RP1: variants seen among roughly 807,000 people sequenced by gnomAD.
RP1 encodes the protein oxygen-regulated protein 1.
A neutral mutation model predicts 14.8 loss-of-function variants in RP1; 16 were observed. The ratio of observed to expected loss-of-function variants is 1.08; its 90% CI spans 0.73 to 1.65. The LOEUF (loss-of-function observed/expected upper bound fraction) is 1.65. Among genes scored for constraint, RP1 ranks in the 40% most tolerant of loss-of-function variants. The pLI is 0.00. For missense variants in RP1, 2,631 were observed against 2,535.0 expected (o/e 1.04, Z -0.81); for synonymous variants, 876 against 883.6 (o/e 0.99, Z 0.15).
chr8:54,786,614 G>A (rs1299869157), intron 24 of RP1, among the ~76,000 whole-genome samples: 2 of 151,956 alleles, frequency 1.3e-5, no homozygotes, highest in East Asian at 3.9e-4. Flanking sequence ...TCCTCAATTT[G>A]TTATAATCCT....
rs945145260 is a variant in RP1 at position 54,852,678 on chromosome 8, C to T, written c.3940C>T (p.Arg1314Ter). The change falls in exon 26 of 29, where the codon CGA becomes TGA. Residue 1314 changes from arginine to a stop codon, truncating the protein, a stop_gained. Transcript: ENST00000637698. LOFTEE classifies it high-confidence loss of function. Reference sequence around the variant, plus strand: ...CGGTACCAGAGGTGATTCAGGAAAACGAAGACTTCATCAGTCCAAAAACAA... The same window carrying T: ...CGGTACCAGAGGTGATTCAGGAAAATGAAGACTTCATCAGTCCAAAAACAA... 1.7e-4 allele frequency: 215 copies of T among 1,231,806 alleles called. No individual in the cohort carries two copies. The highest frequency in any genetic ancestry group is 9.5e-4 in the East Asian group (30 of 31,698). The allele number at this position is 1,231,806 out of a possible 1,614,324, so 76.3% of individuals were successfully genotyped here.
At chr8:54,576,705 G>A (rs1056937247) in intron 1 of RP1, among the ~76,000 whole-genome samples, 24 of 152,182 alleles carry the variant, frequency 1.6e-4, no homozygotes, top group Non-Finnish European at 2.8e-4. Flanking sequence ...TAGAAGTCTG[G>A]AAGTGAAAAC....
At chr8:54,568,076 C>T (rs1804444488) in intron 1 of RP1, among the ~76,000 whole-genome samples, 2 of 152,180 alleles carry the variant, frequency 1.3e-5, no homozygotes, top group African/African-American at 4.8e-5. Context: ...TTCCCATGGT[C>T]ACCTTATGGT....
intron 24 of RP1, among the ~76,000 whole-genome samples, chr8:54,805,926 A>T (rs1311924728): frequency 6.6e-6 from 1 of 152,190 alleles, no homozygotes; most frequent in Non-Finnish European, 1.5e-5. Context: ...CCTCTGAGTG[A>T]GTCCACCTTC....
At position 54,652,854 on chromosome 8, in the gene RP1, G is replaced by A. The variant is rs1311072974; in HGVS notation, c.1026G>A (p.Trp342Ter). The stretch of plus-strand genomic sequence containing the variant: ...CCAACTCTGGATCCTCCCCTTCCTG[G>A]CACTGCAAGGAGGTAAGGATATATC... The change falls in exon 5 of 23, where the codon TGG becomes TGA. Residue 342 changes from tryptophan to a stop codon, truncating the protein, a stop_gained. Transcript: ENST00000636932. LOFTEE classifies it high-confidence loss of function. The A allele has an allele frequency of 2.6e-6, 4 of 1,534,996 alleles. No individual in the cohort carries two copies. Among genetic ancestry groups the A allele is most frequent in the Non-Finnish European group, 3.5e-6 (4 of 1,146,034 alleles).
Position 54,622,306 on chromosome 8 carries a change from A to G in RP1, c.787+18A>G, listed in dbSNP as rs1341363929. On this transcript the variant is annotated intron_variant, in intron 3 of 3. Transcript: ENST00000220676. Reference sequence around the variant, plus strand: ...CAGAAAGAGTAAGTCACTTATTAATATATAGCCCATATTTTTAGCCCTGAG... The same window carrying G: ...CAGAAAGAGTAAGTCACTTATTAATGTATAGCCCATATTTTTAGCCCTGAG... 2 of 1,612,488 alleles carry G rather than the reference A, an allele frequency of 1.2e-6. No individual in the cohort carries two copies. The highest frequency in any genetic ancestry group is 1.7e-5 in the Admixed American group (1 of 60,004).
At chr8:54,817,177 A>G (rs982024951) in intron 24 of RP1, among the ~76,000 whole-genome samples, 1 of 152,078 alleles carries the variant, frequency 6.6e-6, no homozygotes, top group African/African-American at 2.4e-5. Flanking sequence ...TAGGTGCCCT[A>G]TTTTATTCAT....
At chr8:54,609,986 A>G (rs2129309451) in intron 1 of RP1, among the ~76,000 whole-genome samples, 1 of 152,316 alleles carries the variant, frequency 6.6e-6, no homozygotes, top group East Asian at 1.9e-4. Flanking sequence ...ATATGGAAAA[A>G]CAAACTAACA....
rs550922019 is a variant in RP1, at chr8:54,797,354, ACAAT to A, written c.3615+13647_3615+13650del. On this transcript the variant is annotated intron_variant, in intron 24 of 28. Coordinates refer to the RP1 transcript ENST00000637698. Reference sequence around the variant, plus strand: ...ATAGACGTTAAGGTAGAAATAAAGTACAATCAGTTTGGCTGTAATAGTTTTGGAA... The same window carrying A: ...ATAGACGTTAAGGTAGAAATAAAGTACAGTTTGGCTGTAATAGTTTTGGAA... Among the ~76,000 whole-genome samples the A allele has an allele frequency of 1.5e-4, 23 of 152,334 alleles. No homozygotes were observed. The East Asian group carries it at 4.2e-3, about 28-fold the overall frequency.
chr8:54,821,487 A>G (rs1050883097), intron 24 of RP1, among the ~76,000 whole-genome samples: 2 of 152,188 alleles, frequency 1.3e-5, no homozygotes, highest in Non-Finnish European at 2.9e-5. Context: ...TTGATTCCAC[A>G]TTCTGCCTTA....
At chr8:54,586,525 G>T (rs896923886) in intron 1 of RP1, among the ~76,000 whole-genome samples, 3 of 152,364 alleles carry the variant, frequency 2.0e-5, no homozygotes, top group South Asian at 4.1e-4. Flanking sequence ...CTTCAAAGCT[G>T]TCAGACAGGG....
At chr8:54,813,798 G>A (rs1417999856) in intron 24 of RP1, among the ~76,000 whole-genome samples, 1 of 152,170 alleles carries the variant, frequency 6.6e-6, no homozygotes, top group Non-Finnish European at 1.5e-5. Context: ...AATTATGTTT[G>A]CTGTTTCTAT....
intron 6 of RP1, among the ~76,000 whole-genome samples, chr8:54,657,451 C>T (rs538839638): frequency 2.0e-5 from 3 of 152,160 alleles, no homozygotes; most frequent in Non-Finnish European, 2.9e-5. Context: ...TCTAACCATA[C>T]CCTATCATAT....
At chr8:54,838,713 G>A (rs1811724899) in intron 25 of RP1, among the ~76,000 whole-genome samples, 1 of 151,550 alleles carries the variant, frequency 6.6e-6, no homozygotes, top group Non-Finnish European at 1.5e-5. Context: ...GTGTATGAGT[G>A]TGTGTGTGTG....
chr8:54,583,101 G>A (rs571931364), intron 1 of RP1, among the ~76,000 whole-genome samples: 1 of 152,270 alleles, frequency 6.6e-6, no homozygotes, highest in Admixed American at 6.5e-5. Flanking sequence ...AATGCTTCCA[G>A]TTTTTGCCCA....
At chr8:54,813,562 A>G (rs1811064746) in intron 24 of RP1, among the ~76,000 whole-genome samples, 1 of 152,228 alleles carries the variant, frequency 6.6e-6, no homozygotes, top group Admixed American at 6.5e-5. Flanking sequence ...TTTAAAATTA[A>G]TTAGTTTTAA....
Position 54,621,332 on chromosome 8 carries a change from G to A in RP1, c.366G>A (p.Arg122=). 1 of 1,611,906 alleles carries A rather than the reference G, an allele frequency of 6.2e-7. No homozygotes were observed. Among genetic ancestry groups the A allele is most frequent in the Non-Finnish European group, 8.5e-7 (1 of 1,178,996 alleles). Residue 122 remains arginine, a synonymous_variant, in exon 2 of 4, where the codon CGG becomes CGA. Coordinates refer to ENST00000220676, the MANE Select transcript of RP1 (RefSeq NM_006269.2). ...VQPVDLDKAR[R]RPRPWLSSRA... is the part of the protein sequence containing the mutation. ...CTGTAGACCTGGACAAAGCCCGTCG[G>A]CGCCCGCGGCCCTGGCTCAGCAGCC... is the stretch of plus-strand genomic sequence containing the variant.
chr8:54,701,730 A>C, intron 14 of RP1: 1 of 1,412,684 alleles, frequency 7.1e-7, no homozygotes, highest in East Asian at 2.5e-5. Flanking sequence ...TATTGAGCAA[A>C]AGTCTTAAAT....
chr8:54,660,269 G>A (rs928407658), intron 6 of RP1, among the ~76,000 whole-genome samples: 39 of 152,134 alleles, frequency 2.6e-4, no homozygotes, highest in African/African-American at 9.4e-4. Flanking sequence ...GATCTTAGAG[G>A]AAAAGTTTTT....
Sources: allele counts gnomAD v4.1 joint callset (sites outside exome capture counted in the v4.1 genomes callset), GRCh38; gene constraint gnomAD v4.1.1; transcripts MANE v1.5; gene names NCBI Gene and HGNC (gene_info 2026-07-23, HGNC 2026-07-21).